The following EFS variants were observed in gnomAD, a reference collection of about 807,000 sequenced individuals.
EFS encodes the protein embryonal Fyn-associated substrate.
In EFS, 34 loss-of-function variants were observed where a neutral mutation model predicts 42.2. That is an observed-to-expected ratio of 0.81 (90% CI 0.61 to 1.07). The LOEUF (loss-of-function observed/expected upper bound fraction) is 1.07, where lower values mean the gene tolerates loss of function less well. Among genes scored for constraint, EFS ranks in the 50% least tolerant of loss-of-function variants. The pLI is 0.00. For synonymous variants in EFS, 299 were observed against 320.7 expected, an observed-to-expected ratio of 0.93 and a Z score of 0.72; for missense variants, 717 against 729.4, an observed-to-expected ratio of 0.98 and a Z score of 0.20.
Position 23,360,027 on chromosome 14 carries a change from G to T in EFS, c.451C>A (p.Pro151Thr). 1 of 1,611,104 alleles carries T rather than the reference G, an allele frequency of 6.2e-7. No homozygotes were observed. Among genetic ancestry groups the T allele is most frequent in the Non-Finnish European group, 8.5e-7 (1 of 1,178,814 alleles). ...PRDALEVYDVPPTALRVPSSG... is the reference protein window; with the variant it reads ...PRDALEVYDVTPTALRVPSSG... Reference sequence around the variant, plus strand: ...GAGGGCACCCGGAGGGCGGTGGGGGGCACATCGTAGACCTGCGGAAAGGAG... The same window carrying T: ...GAGGGCACCCGGAGGGCGGTGGGGGTCACATCGTAGACCTGCGGAAAGGAG... Residue 151 changes from proline to threonine, a missense_variant, in exon 4 of 6, where the codon CCC becomes ACC. Pro to Thr is a conservative substitution (Grantham distance 38, BLOSUM62 -1). Transcript: ENST00000216733.
intron 5 of EFS, 95 bp from the exon 6 acceptor site, chr14:23,357,755 G>T: frequency 1.8e-6 from 2 of 1,118,812 alleles, no homozygotes; most frequent in South Asian, 2.0e-5. Flanking sequence ...TCCCAAGGGC[G>T]ATCCTTTTAG....
rs1890058511 is a variant in EFS at position 23,359,672 on chromosome 14, G to A, written c.806C>T (p.Pro269Leu). The change falls in exon 4 of 6, where the codon CCT becomes CTT. Residue 269 changes from proline to leucine, a missense_variant. By Grantham distance (98) the Pro-to-Leu change is moderately conservative (BLOSUM62 -3). Transcript: ENST00000216733. ...CTGGTCATGGGAGGCCAAGGCTCCA[G>A]GGGGCTCTGGAGAAGGGGGAGCCTC... ...GPEAPPSPEP[P>L]GALASHDQDT... The A allele has an allele frequency of 6.6e-6, 10 of 1,510,764 alleles. No individual in the cohort carries two copies. Among genetic ancestry groups the A allele is most frequent in the Non-Finnish European group, 8.8e-6 (10 of 1,131,672 alleles). 93.6% of individuals were successfully genotyped at this position (1,510,764 alleles called of 1,614,324 possible).
chr14:23,360,657 G>A lies in EFS; in HGVS notation c.195C>T (p.Leu65=), dbSNP rs145243595. 26 of 1,613,236 alleles carry A rather than the reference G, an allele frequency of 1.6e-5. No individual in the cohort carries two copies. Among genetic ancestry groups the A allele is most frequent in the Admixed American group, 3.3e-5 (2 of 59,914 alleles). ...QGIVPANRVK[L]LPAGPAPKPS... ...GCTTGGGTGCTGGGCCAGCAGGCAA[G>A]AGCTTCACCCTGTTGGCGGGCACAA... is the stretch of plus-strand genomic sequence containing the variant. The change falls in exon 2 of 6, where the codon CTC becomes CTT. Residue 65 remains leucine (L), a synonymous_variant. Coordinates refer to ENST00000216733, the MANE Select transcript of EFS (RefSeq NM_005864.4).
At chr14:23,363,062 C>T (rs1890208220) in intron 1 of EFS, among the ~76,000 whole-genome samples, 1 of 151,982 alleles carries the variant, frequency 6.6e-6, no homozygotes, top group East Asian at 1.9e-4. Flanking sequence ...TACAGGCGCC[C>T]ACCACCACGC....
intron 1 of EFS, among the ~76,000 whole-genome samples, chr14:23,361,099 A>C (rs943706077): frequency 2.0e-5 from 3 of 151,888 alleles, no homozygotes; most frequent in Non-Finnish European, 4.4e-5. Context: ...GTTTGTCTCC[A>C]CCTATTGTTT....
Position 23,357,642 on chromosome 14 carries a change from C to T in EFS, c.1270G>A (p.Glu424Lys). 1 of 1,536,092 alleles carries T rather than the reference C, an allele frequency of 6.5e-7. No individual in the cohort carries two copies. Among genetic ancestry groups the T allele is most frequent in the Non-Finnish European group, 8.8e-7 (1 of 1,134,776 alleles). The change falls in exon 6 of 6, where the codon GAG becomes AAG. Residue 424 changes from glutamate to lysine, a missense_variant. By Grantham distance (56) the Glu-to-Lys change is moderately conservative. Coordinates refer to ENST00000216733, the MANE Select transcript of EFS (RefSeq NM_005864.4). ...PAPQEALSPG[E>K]PLVVSTGDLQ... Reference sequence around the variant, plus strand: ...TCTCCGGTGGACACAACCAGTGGCTCCCCTGGGGACAGGGCCTCCTGAAGG... The same window carrying T: ...TCTCCGGTGGACACAACCAGTGGCTTCCCTGGGGACAGGGCCTCCTGAAGG...
In EFS at chr14:23,359,817, A is replaced by AG. The variant is rs1890068951; in HGVS notation, c.660dup (p.Ser221LeufsTer14). 1.3e-6 allele frequency: 2 copies of AG among 1,523,604 alleles called. No homozygotes were observed. The highest frequency in any genetic ancestry group is 1.8e-6 in the Non-Finnish European group (2 of 1,138,276). The allele number at this position is 1,523,604 out of a possible 1,614,324, so 94.4% of individuals were successfully genotyped here. On this transcript the variant is annotated frameshift_variant, in exon 4 of 6. Coordinates refer to ENST00000216733, the MANE Select transcript of EFS (RefSeq NM_005864.4). LOFTEE classifies it high-confidence loss of function. ...AAGGCTGACGCTCGTTTCAGGTTGG[A>AG]GGGGGCAGCATAGATGGGGGGCCCC...
In EFS at chr14:23,359,724, T is replaced by A; in HGVS notation, c.754A>T (p.Ile252Phe). ...DGEGGGTDEG[I>F]YDVPLLGPEA... is the part of the protein sequence containing the mutation. ...GGCCCCAGCAGAGGCACATCGTAGATCCCCTCATCAGTGCCCCCGCCCTCC... is the reference window on the plus strand; with the variant it reads ...GGCCCCAGCAGAGGCACATCGTAGAACCCCTCATCAGTGCCCCCGCCCTCC... The change falls in exon 4 of 6, where the codon ATC becomes TTC. Residue 252 changes from isoleucine (I) to phenylalanine (F), a missense_variant. Ile to Phe is a conservative substitution (Grantham distance 21). Transcript: ENST00000216733. 2.0e-6 allele frequency: 3 copies of A among 1,516,604 alleles called. No homozygotes were observed. The South Asian group carries it at 4.0e-5, about 20-fold the overall frequency. The allele number at this position is 1,516,604 out of a possible 1,614,324, so 93.9% of individuals were successfully genotyped here.
rs1036346453 is a variant in EFS at position 23,357,588 on chromosome 14, G to A, written c.1324C>T (p.Gln442Ter). Residue 442 changes from glutamine to a stop codon, truncating the protein, a stop_gained, in exon 6 of 6, where the codon CAA becomes TAA. Coordinates refer to ENST00000216733, the MANE Select transcript of EFS (RefSeq NM_005864.4). LOFTEE classifies it high-confidence loss of function. Reference protein sequence around the residue: ...DLQLLYFYAGQCQSHYSALQA... With the variant: ...DLQLLYFYAG The stretch of plus-strand genomic sequence containing the variant: ...AGGGCTGAGTAGTGGCTCTGGCATT[G>A]CCCAGCATAGAAGTACAGGAGCTGC... 3.1e-6 allele frequency: 5 copies of A among 1,599,002 alleles called. No individual in the cohort carries two copies. Among genetic ancestry groups the A allele is most frequent in the African/African-American group, 1.3e-5 (1 of 74,724 alleles).
rs1043810728 is a variant in EFS at position 23,365,040 on chromosome 14, G to A, written c.-15C>T. On this transcript the variant is annotated 5_prime_UTR_variant, in exon 1 of 6. Transcript: ENST00000216733. This position sits in a 1 kb window ranked among gnomAD's most constrained non-coding sequence, Gnocchi z 5.3. ...GCAATGGCCATGGCTTTGGCCTCCCGCGCAGCCTGCCTCAGGCCAGGCTCG... is the reference window on the plus strand; with the variant it reads ...GCAATGGCCATGGCTTTGGCCTCCCACGCAGCCTGCCTCAGGCCAGGCTCG... The A allele has an allele frequency of 2.3e-6, 3 of 1,323,416 alleles. No homozygotes were observed. The Middle Eastern group carries it at 6.0e-4, about 264-fold the overall frequency. 82.0% of individuals were successfully genotyped at this position (1,323,416 alleles called of 1,614,324 possible). A position where few individuals can be genotyped will look rare whatever the true frequency, so the allele number is the denominator to read the frequency against.
At chr14:23,364,149 T>C (rs1019425239) in intron 1 of EFS, among the ~76,000 whole-genome samples, 1 of 152,128 alleles carries the variant, frequency 6.6e-6, no homozygotes, top group African/African-American at 2.4e-5. Flanking sequence ...CAAAGCTGCC[T>C]GGATTCAGAC....
chr14:23,361,276 T>C (rs1465311105), intron 1 of EFS, among the ~76,000 whole-genome samples: 2 of 152,188 alleles, frequency 1.3e-5, no homozygotes, highest in African/African-American at 4.8e-5. Flanking sequence ...TTCCAAAACA[T>C]GTGAAGCCCT....
chr14:23,364,738 C>T (rs953096254), intron 1 of EFS, among the ~76,000 whole-genome samples: 2 of 152,028 alleles, frequency 1.3e-5, no homozygotes, highest in African/African-American at 2.4e-5. Flanking sequence ...GCTACGCTTG[C>T]CCCTTCCCCT....
intron 1 of EFS, among the ~76,000 whole-genome samples, chr14:23,363,873 G>T (rs1378991098): frequency 6.6e-6 from 1 of 151,802 alleles, no homozygotes; most frequent in Non-Finnish European, 1.5e-5. Flanking sequence ...GGTCGAGGCT[G>T]CATTGAGCCG....
chr14:23,358,938 G>C lies in EFS; in HGVS notation c.1189C>G (p.Pro397Ala), dbSNP rs771381512. 2.9e-5 allele frequency: 46 copies of C among 1,612,766 alleles called. No homozygotes were observed. Among genetic ancestry groups the C allele is most frequent in the Non-Finnish European group, 3.8e-5 (45 of 1,179,538 alleles). The change falls in exon 5 of 6, where the codon CCC becomes GCC. Residue 397 changes from proline (P) to alanine (A), a missense_variant. Physicochemically the swap from Pro to Ala is conservative, Grantham distance 27. Transcript: ENST00000216733. ...KGMDKAQGSR[P>A]PDQACTGDPE... ...TCCCCTGTGCAGGCCTGATCCGGGG[G>C]CCTAGATCCCTGAGCTTTGTCCATG... is the stretch of plus-strand genomic sequence containing the variant.
At chr14:23,358,207 T>C (rs945498072) in intron 5 of EFS, among the ~76,000 whole-genome samples, 1 of 152,214 alleles carries the variant, frequency 6.6e-6, no homozygotes, top group Non-Finnish European at 1.5e-5. Context: ...TAGTGGCTAC[T>C]GTACTAGATA....
Position 23,357,543 on chromosome 14 carries a change from G to A in EFS, c.1369C>T (p.Leu457=). ...TGATTAGCCTGGGTACTGGACATCA[G>A]GGCTGCCACGGCTGCCTGCAGGGCT... The part of the protein sequence containing the change: ...YSALQAAVAA[L]MSSTQANQPP... The change falls in exon 6 of 6, where the codon CTG becomes TTG. Residue 457 remains leucine, a synonymous_variant. Transcript: ENST00000216733. The A allele has an allele frequency of 6.2e-7, 1 of 1,612,708 alleles. No homozygotes were observed. The highest frequency in any genetic ancestry group is 8.5e-7 in the Non-Finnish European group (1 of 1,179,130).
At chr14:23,362,921 T>C (rs548959987) in intron 1 of EFS, among the ~76,000 whole-genome samples, 4 of 150,940 alleles carry the variant, frequency 2.7e-5, no homozygotes, top group East Asian at 1.9e-4. Flanking sequence ...TTCTTTCTTT[T>C]TTTTTTTTTT....
rs1261820016 is a variant in EFS at position 23,360,733 on chromosome 14, G to A, written c.119C>T (p.Ala40Val). The A allele has an allele frequency of 4.3e-6, 7 of 1,614,110 alleles. No homozygotes were observed. Among genetic ancestry groups the A allele is most frequent in the Non-Finnish European group, 5.9e-6 (7 of 1,180,006 alleles). ...GAGGCACCAGCCGTCCAGTCCACCA[G>A]CGCCCTCTCTCTGCAGGACCCGTAG... ...DVLRVLQREG[A>V]GGLDGWCLCS... is the part of the protein sequence containing the mutation. The change falls in exon 2 of 6, where the codon GCT becomes GTT. Residue 40 changes from alanine to valine, a missense_variant. Ala to Val is a moderately conservative substitution (Grantham distance 64). Coordinates refer to ENST00000216733, the MANE Select transcript of EFS (RefSeq NM_005864.4).
Sources: gnomAD v4.1 joint callset for allele counts (sites outside exome capture counted in the v4.1 genomes callset) on GRCh38, gnomAD v4.1.1 for gene constraint, Gnocchi (gnomAD v3.1) non-coding constraint, MANE v1.5 for transcripts, NCBI Gene and HGNC (gene_info 2026-07-23, HGNC 2026-07-21) for gene names.